The following FOXP2 variants were observed in gnomAD, a reference collection of about 807,000 sequenced individuals.
The protein encoded by FOXP2 is forkhead box P2.
In FOXP2, 12 loss-of-function variants were observed where a neutral mutation model predicts 115.8. That is an observed-to-expected ratio of 0.10 (90% CI 0.07 to 0.17). The LOEUF (loss-of-function observed/expected upper bound fraction) is 0.17, where lower values mean the gene tolerates loss of function less well. FOXP2 is among the 10% of genes least tolerant of loss of function. The pLI is 1.00. For synonymous variants in FOXP2, 328 were observed against 297.7 expected, an observed-to-expected ratio of 1.10 and a Z score of -1.05; for missense variants, 629 against 843.5, an observed-to-expected ratio of 0.75 and a Z score of 3.15.
chr7:114,423,693 A>G (rs1426159538), intron 1 of FOXP2, among the ~76,000 whole-genome samples: 1 of 151,654 alleles, frequency 6.6e-6, no homozygotes, highest in African/African-American at 2.4e-5. Flanking sequence ...TGCTGAATTT[A>G]TTATTATTTA....
In FOXP2 at chr7:114,659,688, A is replaced by G; in HGVS notation, c.1647+15A>G. ...CAACTTGGAAGGTAACTACTTTTCC[A>G]GCAGTTTTAAGATGCCTACCACAGT... On this transcript the variant is annotated intron_variant, in intron 13 of 16. Transcript: ENST00000350908. The G allele has an allele frequency of 1.3e-6, 2 of 1,595,492 alleles. No homozygotes were observed. Among genetic ancestry groups the G allele is most frequent in the South Asian group, 2.2e-5 (2 of 90,668 alleles).
In FOXP2 at chr7:114,690,523, G is replaced by A; in HGVS notation, c.*597G>A. 2.2e-6 allele frequency: 1 copy of A among 453,936 alleles called. No individual in the cohort carries two copies. Among genetic ancestry groups the A allele is most frequent in the East Asian group, 6.9e-5 (1 of 14,412 alleles). 28.1% of individuals were successfully genotyped at this position (453,936 alleles called of 1,614,324 possible). A position where few individuals can be genotyped will look rare whatever the true frequency, so the allele number is the denominator to read the frequency against. The stretch of plus-strand genomic sequence containing the variant: ...CACCAACTGTAAATGACATAAGTTA[G>A]TTATTACAAAACACAGTAATTAGAC... On this transcript the variant is annotated 3_prime_UTR_variant, in exon 17 of 17. Transcript: ENST00000350908.
intron 2 of FOXP2, among the ~76,000 whole-genome samples, chr7:114,302,712 A>T (rs1341809055): frequency 2.6e-5 from 4 of 152,138 alleles, no homozygotes; most frequent in African/African-American, 9.7e-5. Flanking sequence ...CAGATGATAG[A>T]ATAATCATTC....
rs1804824872 is a variant in FOXP2, at chr7:114,630,181, GC to G, written c.597+177del. 2.0e-5 allele frequency among the ~76,000 whole-genome samples: 3 copies of G among 152,222 alleles called. No homozygotes were observed. The South Asian group carries it at 6.2e-4, about 32-fold the overall frequency. On this transcript the variant is annotated intron_variant, in intron 5 of 16. Coordinates refer to ENST00000350908, the MANE Select transcript of FOXP2 (RefSeq NM_014491.4). ...GGCTCTCAGGCTCTCCTTTTTTGTA[GC>G]ATGGGACTTGAGAGTTACAATCTAA...
At chr7:114,116,540 A>G (rs899693356) in intron 1 of FOXP2, among the ~76,000 whole-genome samples, 1 of 152,128 alleles carries the variant, frequency 6.6e-6, no homozygotes, top group African/African-American at 2.4e-5. Flanking sequence ...GTATAAAGAC[A>G]TTTAAAATGA....
chr7:114,604,045 C>A (rs1307204967), intron 3 of FOXP2, among the ~76,000 whole-genome samples: 1 of 152,130 alleles, frequency 6.6e-6, no homozygotes, highest in African/African-American at 2.4e-5. Context: ...ATTGAATATG[C>A]TTGTCTGGGC....
chr7:114,409,018 C>G (rs1016799459), intron 2 of FOXP2, among the ~76,000 whole-genome samples: 1 of 151,944 alleles, frequency 6.6e-6, no homozygotes, highest in Non-Finnish European at 1.5e-5. Context: ...AAAGGTTAAG[C>G]ATTTTATTTT....
chr7:114,566,440 C>T (rs1801026667), intron 3 of FOXP2, among the ~76,000 whole-genome samples: 1 of 152,050 alleles, frequency 6.6e-6, no homozygotes, highest in South Asian at 2.1e-4. Context: ...AGTGATCTCT[C>T]ACTCTACTAG....
intron 10 of FOXP2, among the ~76,000 whole-genome samples, chr7:114,654,916 C>A (rs1806488601): frequency 6.6e-6 from 1 of 151,848 alleles, no homozygotes; most frequent in Admixed American, 6.6e-5. Context: ...CGTAATGTCT[C>A]GATATTTCTT....
chr7:114,277,714 G>C (rs1584601791), intron 1 of FOXP2, among the ~76,000 whole-genome samples: 1 of 151,774 alleles, frequency 6.6e-6, no homozygotes, highest in East Asian at 1.9e-4. Context: ...TTGATAATTT[G>C]CTTTATTTTA....
intron 3 of FOXP2, among the ~76,000 whole-genome samples, chr7:114,542,792 TTG>T (rs1584873937): frequency 1.4e-5 from 2 of 141,230 alleles, no homozygotes; most frequent in South Asian, 2.3e-4. Flanking sequence ...TTTTTGTTTT[TTG>T]TTTTTTTTTT....
intron 2 of FOXP2, among the ~76,000 whole-genome samples, chr7:114,519,349 C>T (rs1432730622): frequency 1.3e-5 from 2 of 152,052 alleles, no homozygotes. Context: ...TTCAGAATGC[C>T]TCATTTCTGT....
rs1792281524 is a variant in FOXP2 at position 114,143,450 on chromosome 7, C to T, written c.-246-19494C>T. Among the ~76,000 whole-genome samples the T allele has an allele frequency of 2.0e-5, 3 of 151,978 alleles. No homozygotes were observed. The South Asian group carries it at 6.2e-4, about 31-fold the overall frequency. ...GGATAGGTTATTCTGTAGTAACAAA[C>T]AATGCCCCCCCACCCCCAGTCTATT... On this transcript the variant is annotated intron_variant, in intron 1 of 19. Transcript: ENST00000635638.
At chr7:114,469,114 C>T (rs1166740875) in intron 2 of FOXP2, among the ~76,000 whole-genome samples, 1 of 152,132 alleles carries the variant, frequency 6.6e-6, no homozygotes, top group Non-Finnish European at 1.5e-5. Flanking sequence ...TTCTTGACCA[C>T]AGACTCAAAT....
chr7:114,498,188 G>C (rs1027958597), intron 2 of FOXP2, among the ~76,000 whole-genome samples: 1 of 152,090 alleles, frequency 6.6e-6, no homozygotes. Context: ...GGGAGGAAAA[G>C]ACTGCAAATA....
chr7:114,366,700 T>C (rs1378968794), intron 2 of FOXP2: 3 of 152,186 alleles, frequency 2.0e-5, no homozygotes, highest in Non-Finnish European at 2.9e-5. Context: ...TTTCAGTTGA[T>C]AGACTTTTAA....
intron 1 of FOXP2, among the ~76,000 whole-genome samples, chr7:114,173,476 A>G (rs928666188): frequency 6.6e-6 from 1 of 151,634 alleles, no homozygotes; most frequent in African/African-American, 2.4e-5. Flanking sequence ...GTTGGTTGAC[A>G]TTAAGAAAAA....
chr7:114,419,102 TGAC>T (rs1164072149), intron 1 of FOXP2, among the ~76,000 whole-genome samples: 1 of 151,976 alleles, frequency 6.6e-6, no homozygotes, highest in African/African-American at 2.4e-5. Context: ...CTATGCTAAC[TGAC>T]TGTGCATATA....
At chr7:114,551,035 A>G (rs1311979575) in intron 3 of FOXP2, among the ~76,000 whole-genome samples, 3 of 152,200 alleles carry the variant, frequency 2.0e-5, no homozygotes, top group African/African-American at 7.2e-5. Flanking sequence ...TTTATGTACT[A>G]GAAAGAGAGT....
Sources: allele counts gnomAD v4.1 joint callset (sites outside exome capture counted in the v4.1 genomes callset), GRCh38; gene constraint gnomAD v4.1.1; transcripts MANE v1.5; gene names NCBI Gene and HGNC (gene_info 2026-07-23, HGNC 2026-07-21).